The following ARB2A variants were observed in gnomAD, a reference collection of about 807,000 sequenced individuals.
ARB2A encodes ARB2 cotranscriptional regulator A.
chr5:94,073,890 T>A, the ARB2A span, among the ~76,000 whole-genome samples: 1 of 152,150 alleles, frequency 6.6e-6, no homozygotes, highest in Non-Finnish European at 1.5e-5. Flanking sequence ...GACCTCCACA[T>A]GGTCAAAGGC....
chr5:93,908,990 C>T, the ARB2A span, among the ~76,000 whole-genome samples: 1 of 151,030 alleles, frequency 6.6e-6, no homozygotes, highest in Non-Finnish European at 1.5e-5. Flanking sequence ...ACATTTCAAA[C>T]TTCAGAATCT....
At chr5:94,091,693 A>G in the ARB2A span, among the ~76,000 whole-genome samples, 1 of 152,208 alleles carries the variant, frequency 6.6e-6, no homozygotes, top group Admixed American at 6.5e-5. Context: ...TTTTCAGGAG[A>G]AATCAAAAGC....
At chr5:93,927,123 A>C in the ARB2A span, among the ~76,000 whole-genome samples, 1 of 152,196 alleles carries the variant, frequency 6.6e-6, no homozygotes, top group Non-Finnish European at 1.5e-5. Flanking sequence ...TGTAAGTAGA[A>C]ATATGAGGCA....
chr5:93,643,451 T>C, the ARB2A span, among the ~76,000 whole-genome samples: 5 of 152,224 alleles, frequency 3.3e-5, no homozygotes, highest in Admixed American at 3.3e-4. Context: ...TCTAGCCATA[T>C]AATATTATAT....
chr5:93,910,203 C>G, the ARB2A span, among the ~76,000 whole-genome samples: 1 of 150,796 alleles, frequency 6.6e-6, no homozygotes, highest in South Asian at 2.1e-4. Context: ...CTTACATGTA[C>G]TGATATACTT....
chr5:94,004,998 C>CAAAAAAAAAAAAAAAAAA, the ARB2A span, among the ~76,000 whole-genome samples: 9 of 12,550 alleles, frequency 7.2e-4, 2 homozygotes, highest in Non-Finnish European at 1.3e-3. Context: ...ATTTTATCAG[C>CAAAAAAAAAAAAAAAAAA]AAAAAAAAAA....
the ARB2A span, among the ~76,000 whole-genome samples, chr5:94,072,401 GA>G: frequency 2.0e-4 from 30 of 151,866 alleles, no homozygotes; most frequent in African/African-American, 7.0e-4. Flanking sequence ...AAACCTAATG[GA>G]AATTGAATAA....
At chr5:94,066,459 C>CACACAA in the ARB2A span, among the ~76,000 whole-genome samples, 63 of 150,922 alleles carry the variant, frequency 4.2e-4, no homozygotes, top group African/African-American at 1.4e-3. Flanking sequence ...CACACACACA[C>CACACAA]ACACACATAA....
the ARB2A span, among the ~76,000 whole-genome samples, chr5:93,785,870 A>G: frequency 6.6e-6 from 1 of 152,312 alleles, no homozygotes; most frequent in South Asian, 2.1e-4. Flanking sequence ...ATTAACTAGT[A>G]TGCTACCTTC....
the ARB2A span, among the ~76,000 whole-genome samples, chr5:93,864,437 T>C: frequency 6.6e-6 from 1 of 152,166 alleles, no homozygotes; most frequent in African/African-American, 2.4e-5. Flanking sequence ...CAATTTTAAG[T>C]ATCATTGATA....
At chr5:93,740,983 T>C in the ARB2A span, 17 of 1,613,826 alleles carry the variant, frequency 1.1e-5, no homozygotes, top group Admixed American at 2.8e-4. Flanking sequence ...CAGAAGGTTC[T>C]CTGCTTCCAC....
the ARB2A span, among the ~76,000 whole-genome samples, chr5:94,011,730 T>G: frequency 1.3e-5 from 2 of 151,808 alleles, no homozygotes; most frequent in African/African-American, 4.8e-5. Context: ...ATGTAGAATG[T>G]GAGGCACTGA....
chr5:93,771,595 A>C, the ARB2A span, among the ~76,000 whole-genome samples: 4 of 152,222 alleles, frequency 2.6e-5, no homozygotes, highest in East Asian at 3.8e-4. Context: ...TAATGAACTC[A>C]AACAAACTTA....
the ARB2A span, among the ~76,000 whole-genome samples, chr5:93,664,818 T>A: frequency 4.6e-5 from 7 of 152,020 alleles, no homozygotes; most frequent in Non-Finnish European, 8.8e-5. Flanking sequence ...ATTTTGGGAT[T>A]TATTAATGCA....
chr5:93,959,744 T>C, the ARB2A span, among the ~76,000 whole-genome samples: 1 of 152,184 alleles, frequency 6.6e-6, no homozygotes, highest in Non-Finnish European at 1.5e-5. Context: ...GTAAATATTT[T>C]TATCCATTTT....
chr5:93,888,322 T>C, the ARB2A span, among the ~76,000 whole-genome samples: 26 of 151,982 alleles, frequency 1.7e-4, 1 homozygote, highest in African/African-American at 6.3e-4. Context: ...CACAAAGGTA[T>C]ACCCACACGT....
At chr5:93,948,553 C>A in the ARB2A span, among the ~76,000 whole-genome samples, 1 of 151,916 alleles carries the variant, frequency 6.6e-6, no homozygotes, top group Admixed American at 6.6e-5. Flanking sequence ...GTTGCCATTG[C>A]TTTTGGTGTT....
the ARB2A span, chr5:93,862,497 A>C: frequency 6.6e-6 from 1 of 152,272 alleles, no homozygotes; most frequent in Admixed American, 6.5e-5. Context: ...CTTTCTTTTA[A>C]ATAATTAGAT....
the ARB2A span, among the ~76,000 whole-genome samples, chr5:93,914,016 A>T: frequency 6.6e-6 from 1 of 151,980 alleles, no homozygotes; most frequent in Non-Finnish European, 1.5e-5. Flanking sequence ...GACCTAGAAC[A>T]TCCTTCCATG....
Sources: gnomAD v4.1 joint callset for allele counts (sites outside exome capture counted in the v4.1 genomes callset) on GRCh38, gnomAD v4.1.1 for gene constraint, MANE v1.5 for transcripts, NCBI Gene and HGNC (gene_info 2026-07-23, HGNC 2026-07-21) for gene names.